The following DBH variants were observed in gnomAD, a reference collection of about 807,000 sequenced individuals.
The protein encoded by DBH is dopamine beta-hydroxylase.
A neutral mutation model predicts 64.0 loss-of-function variants in DBH; 49 were observed. The ratio of observed to expected loss-of-function variants is 0.77; its 90% CI spans 0.61 to 0.97. The LOEUF is 0.97. DBH is among the 50% of genes least tolerant of loss of function. DBH has a pLI of 0.00. For missense variants in DBH, 828 were observed against 826.6 expected (o/e 1.00, Z -0.02); for synonymous variants, 343 against 347.1 (o/e 0.99, Z 0.13).
chr9:133,639,259 G>A (rs1181652530), intron 1 of DBH, among the ~76,000 whole-genome samples: 3 of 151,140 alleles, frequency 2.0e-5, no homozygotes, highest in Admixed American at 6.6e-5. Flanking sequence ...AAAATTACAT[G>A]TATTTATAAA....
intron 6 of DBH, among the ~76,000 whole-genome samples, chr9:133,650,490 C>T (rs559640464): frequency 0.053 from 7,602 of 142,476 alleles, 426 homozygotes; most frequent in African/African-American, 0.15. Context: ...CTTTTTCTTT[C>T]TTTTCTTTCC....
chr9:133,643,557 C>T lies in DBH; in HGVS notation c.889C>T (p.His297Tyr), dbSNP rs1465897469. Residue 297 changes from histidine (H) to tyrosine (Y), a missense_variant, in exon 4 of 12, where the codon CAC (histidine) becomes TAC (tyrosine). Transcript: ENST00000393056. The surrounding 1 kb of genome is among the most constrained non-coding windows in gnomAD (Gnocchi z 5.3). ...ACCCGACCGCCTCAACTACTGCCGC[C>T]ACGTGCTGGCCGCCTGGGCCCTGGG... The part of the protein sequence containing the change: ...MKPDRLNYCR[H>Y]VLAAWALGAK... The T allele has an allele frequency of 1.2e-6, 2 of 1,613,484 alleles. No homozygotes were observed. The highest frequency in any genetic ancestry group is 8.5e-7 in the Non-Finnish European group (1 of 1,179,964).
rs772836669 is a variant in DBH at position 133,642,301 on chromosome 9, G to C, written c.581G>C (p.Arg194Thr). The C allele has an allele frequency of 1.9e-6, 3 of 1,614,150 alleles. No individual in the cohort carries two copies. The highest frequency in any genetic ancestry group is 1.6e-4 in the Middle Eastern group (1 of 6,062). Residue 194 changes from arginine to threonine, a missense_variant, in exon 3 of 12, where the codon AGG becomes ACG. By Grantham distance (71) the Arg-to-Thr change is moderately conservative. Coordinates refer to ENST00000393056, the MANE Select transcript of DBH (RefSeq NM_000787.4). ...NGSGLQMGLQ[R>T]VQLLKPNIPE... ...TCGGGCCTGCAGATGGGGCTGCAGA[G>C]GGTGCAGCTCCTGAAGCCCAATATC... is the stretch of plus-strand genomic sequence containing the variant.
intron 11 of DBH, among the ~76,000 whole-genome samples, chr9:133,658,071 G>T (rs977825881): frequency 6.6e-6 from 1 of 151,904 alleles, no homozygotes; most frequent in Non-Finnish European, 1.5e-5. Flanking sequence ...ATTGGGTGGG[G>T]ACAGAGGCGG....
chr9:133,645,192 C>T (rs1402511330), intron 5 of DBH, among the ~76,000 whole-genome samples: 1 of 151,482 alleles, frequency 6.6e-6, no homozygotes, highest in East Asian at 1.9e-4. Context: ...GGCTCACGCA[C>T]AGAACTTGCT....
At position 133,640,008 on chromosome 9, in the gene DBH, G is replaced by A. The variant is rs755580405; in HGVS notation, c.486+16G>A. 1.5e-5 allele frequency: 25 copies of A among 1,613,554 alleles called. No homozygotes were observed. Among genetic ancestry groups the A allele is most frequent in the Admixed American group, 3.3e-5 (2 of 60,002 alleles). ...CCTCATTGAAGTAAGGGGTGGCCGC[G>A]AGTACCCAGGAGGGCGTGGGCTGCG... is the stretch of plus-strand genomic sequence containing the variant. On this transcript the variant is annotated intron_variant, in intron 2 of 11. Coordinates refer to ENST00000393056, the MANE Select transcript of DBH (RefSeq NM_000787.4).
intron 1 of DBH, among the ~76,000 whole-genome samples, chr9:133,637,519 AAC>A (rs1832067291): frequency 6.6e-6 from 1 of 152,324 alleles, no homozygotes; most frequent in East Asian, 1.9e-4. Context: ...TCTCCACAGA[AAC>A]ACACAAAGGA....
rs4531 is a variant in DBH, at chr9:133,644,248, G to A, written c.952G>A (p.Ala318Thr). ...TTACTACCCAGAGGAAGCCGGCCTT[G>A]CCTTCGGGGGTCCAGGGTCCTCCAG... Reference protein sequence around the residue: ...AFYYPEEAGLAFGGPGSSRYL... With the variant: ...AFYYPEEAGLTFGGPGSSRYL... Residue 318 changes from alanine to threonine, a missense_variant, in exon 5 of 12, where the codon GCC (alanine) becomes ACC (threonine). Coordinates refer to ENST00000393056, the MANE Select transcript of DBH (RefSeq NM_000787.4). The A allele has an allele frequency of 5.6e-6, 9 of 1,614,088 alleles. No homozygotes were observed. The highest frequency in any genetic ancestry group is 5.3e-5 in the African/African-American group (4 of 75,032).
chr9:133,648,145 C>A, intron 6 of DBH, 133 bp downstream of exon 6: 1 of 1,077,620 alleles, frequency 9.3e-7, no homozygotes, highest in Non-Finnish European at 1.4e-6. Flanking sequence ...CCCTGCGGTC[C>A]TCCCTCTTTT....
Position 133,652,266 on chromosome 9 carries a change from G to GGT in DBH, c.1357_1358dup (p.Val454SerfsTer100), listed in dbSNP as rs1402722303. The GGT allele has an allele frequency of 6.2e-7, 1 of 1,613,632 alleles. No individual in the cohort carries two copies. Among genetic ancestry groups the GGT allele is most frequent in the African/African-American group, 1.3e-5 (1 of 74,924 alleles). On this transcript the variant is annotated frameshift_variant, in exon 8 of 12. Coordinates refer to ENST00000393056, the MANE Select transcript of DBH (RefSeq NM_000787.4). LOFTEE classifies it high-confidence loss of function. ...CCCAGGAGATCCGCATGTTGAAGAA[G>GGT]GTCGTGTCGGTCCATCCGGTGAGTG...
Position 133,652,272 on chromosome 9 carries a change from G to A in DBH, c.1362G>A (p.Val454=). The stretch of plus-strand genomic sequence containing the variant: ...AGATCCGCATGTTGAAGAAGGTCGT[G>A]TCGGTCCATCCGGTGAGTGCCCAGC... ...FQEIRMLKKV[V]SVHPGDVLIT... Residue 454 remains valine, a synonymous_variant, in exon 8 of 12, where the codon GTG becomes GTA. Coordinates refer to ENST00000393056, the MANE Select transcript of DBH (RefSeq NM_000787.4). The A allele has an allele frequency of 6.2e-7, 1 of 1,613,674 alleles. No homozygotes were observed. The highest frequency in any genetic ancestry group is 8.5e-7 in the Non-Finnish European group (1 of 1,180,034).
At chr9:133,656,977 C>A in intron 10 of DBH, 93 bp from the exon 11 acceptor site, 1 of 1,429,940 alleles carries the variant, frequency 7.0e-7, no homozygotes, top group Non-Finnish European at 9.8e-7. Flanking sequence ...GCCCCAGGGA[C>A]AGGACTCGAG....
chr9:133,652,903 G>GCGT, intron 8 of DBH, 37 bp from the exon 9 acceptor site: 2 of 1,550,102 alleles, frequency 1.3e-6, no homozygotes, highest in Non-Finnish European at 1.8e-6. Flanking sequence ...CCAACGCCAG[G>GCGT]TGGCAGGTGC....
chr9:133,642,446 T>G lies in DBH; in HGVS notation c.726T>G (p.Ser242=). The change falls in exon 3 of 12, where the codon TCT becomes TCG. Residue 242 remains serine (S), a synonymous_variant. Transcript: ENST00000393056. ...TTAAGGAGCTTCCAAAGGGCTTCTC[T>G]CGGCACCACATTATCAAGGTACGTG... is the stretch of plus-strand genomic sequence containing the variant. The part of the protein sequence containing the change: ...CYIKELPKGF[S]RHHIIKYEPI... 6.2e-7 allele frequency: 1 copy of G among 1,611,504 alleles called. No homozygotes were observed. The highest frequency in any genetic ancestry group is 2.2e-5 in the East Asian group (1 of 44,794).
At chr9:133,655,483 G>A (rs1588354132) in intron 9 of DBH, 1 of 152,230 alleles carries the variant, frequency 6.6e-6, no homozygotes, top group East Asian at 1.9e-4. Context: ...AGAGAACAAT[G>A]CTGGCAAAAA....
chr9:133,651,699 G>C lies in DBH; in HGVS notation c.1257G>C (p.Lys419Asn), dbSNP rs954550945. 2 of 1,613,864 alleles carry C rather than the reference G, an allele frequency of 1.2e-6. No individual in the cohort carries two copies. The highest frequency in any genetic ancestry group is 2.7e-5 in the African/African-American group (2 of 74,930). ...SQLHTHLTGR[K>N]VVTVLVRDGR... ...TCCACACACACCTGACTGGGAGAAA[G>C]GTGGTCACAGTGCTGGTCCGGGACG... Residue 419 changes from lysine (K) to asparagine (N), a missense_variant, in exon 7 of 12, where the codon AAG becomes AAC. By Grantham distance (94) the Lys-to-Asn change is moderately conservative. Coordinates refer to ENST00000393056, the MANE Select transcript of DBH (RefSeq NM_000787.4).
intron 5 of DBH, 149 bp downstream of exon 5, chr9:133,644,469 T>C (rs945056678): frequency 4.1e-6 from 3 of 736,070 alleles, no homozygotes; most frequent in Non-Finnish European, 7.2e-6. Context: ...CCTCATCCGC[T>C]GTCCATCTTC....
Position 133,636,433 on chromosome 9 carries a change from T to C in DBH, c.62T>C (p.Met21Thr), listed in dbSNP as rs770621845. The change falls in exon 1 of 12, where the codon ATG becomes ACG. Residue 21 changes from methionine (M) to threonine (T), a missense_variant. By Grantham distance (81) the Met-to-Thr change is moderately conservative. Transcript: ENST00000393056. ...CCCAGCATGCGGGAGGCAGCCTTCA[T>C]GTACAGCACAGCAGTGGCCATCTTC... ...PGPSMREAAF[M>T]YSTAVAIFLV... 12 of 1,612,766 alleles carry C rather than the reference T, an allele frequency of 7.4e-6. No homozygotes were observed. The highest frequency in any genetic ancestry group is 8.5e-6 in the Non-Finnish European group (10 of 1,179,900).
chr9:133,636,984 C>G (rs1422992776), intron 1 of DBH, among the ~76,000 whole-genome samples: 1 of 150,564 alleles, frequency 6.6e-6, no homozygotes, highest in Non-Finnish European at 1.5e-5. Context: ...GAACTATACA[C>G]AGAGGACGCA....
Sources: allele counts gnomAD v4.1 joint callset (sites outside exome capture counted in the v4.1 genomes callset), GRCh38; gene constraint gnomAD v4.1.1; non-coding constraint Gnocchi (gnomAD v3.1); transcripts MANE v1.5; gene names NCBI Gene and HGNC (gene_info 2026-07-23, HGNC 2026-07-21).